TRPM1: variants seen among roughly 807,000 people sequenced by gnomAD.
TRPM1 encodes the protein TRPM1-203 APA Isoform, Intron 10.
TRPM1 carries 113 observed loss-of-function variants against 149.4 expected under a neutral mutation model. The ratio of observed to expected loss-of-function variants is 0.76; its 90% CI spans 0.65 to 0.88. The LOEUF is 0.88. Ranked by LOEUF, TRPM1 falls within the 40% of genes least tolerant of loss-of-function variation. The pLI is 0.00. For synonymous variants in TRPM1, 741 were observed against 759.5 expected, an observed-to-expected ratio of 0.98 and a Z score of 0.40; for missense variants, 1,976 against 2,038.7, an observed-to-expected ratio of 0.97 and a Z score of 0.59.
chr15:31,103,474 G>A (rs1344386035), upstream of TRPM1, among the ~76,000 whole-genome samples: 1 of 152,190 alleles, frequency 6.6e-6, no homozygotes, highest in Admixed American at 6.5e-5. Context: ...TGAATAGAAT[G>A]TTATTAATTT....
chr15:31,095,705 TA>T (rs2035361028), intron 1 of TRPM1, among the ~76,000 whole-genome samples: 1 of 150,738 alleles, frequency 6.6e-6, no homozygotes, highest in Admixed American at 6.6e-5. Context: ...AATAAATAAA[TA>T]TAAAAAATAT....
At chr15:31,010,024 A>G (rs974195616) in intron 27 of TRPM1, among the ~76,000 whole-genome samples, 1 of 152,210 alleles carries the variant, frequency 6.6e-6, no homozygotes, top group Non-Finnish European at 1.5e-5. Context: ...TTATCTTGAC[A>G]TTGACATTTA....
chr15:31,075,625 GCTCCT>G (rs1444089898), intron 3 of TRPM1, among the ~76,000 whole-genome samples: 1 of 152,122 alleles, frequency 6.6e-6, no homozygotes, highest in Admixed American at 6.5e-5. Context: ...CTGAAATCCT[GCTCCT>G]CCCAGGAAGA....
chr15:31,017,575 T>C (rs1031379717), intron 27 of TRPM1, among the ~76,000 whole-genome samples: 5 of 152,194 alleles, frequency 3.3e-5, no homozygotes, highest in Admixed American at 3.3e-4. Context: ...TGACAGCAAC[T>C]AAATTAAATG....
chr15:31,128,958 A>G (rs2035985076), intron 1 of TRPM1, among the ~76,000 whole-genome samples: 1 of 152,210 alleles, frequency 6.6e-6, no homozygotes, highest in African/African-American at 2.4e-5. Flanking sequence ...GCACTGGTTG[A>G]GAGTGCATCA....
rs113734232 is a variant in TRPM1 at position 31,018,648 on chromosome 15, G to A, written c.3629+7491C>T. 2.4e-3 allele frequency among the ~76,000 whole-genome samples: 358 copies of A among 151,532 alleles called. 1 individual carries two copies. The highest frequency in any genetic ancestry group is 8.2e-3 in the African/African-American group (340 of 41,222). On this transcript the variant is annotated intron_variant, in intron 27 of 27. Coordinates refer to ENST00000256552, the MANE Select transcript of TRPM1 (RefSeq NM_001252024.2). Reference sequence around the variant, plus strand: ...TCAGCACCCAAAGTGCTGGATTACAGGGATGAACCACCACACCTGGCCTTT... The same window carrying A: ...TCAGCACCCAAAGTGCTGGATTACAAGGATGAACCACCACACCTGGCCTTT...
At chr15:31,021,870 A>C (rs1418495501) in intron 27 of TRPM1, among the ~76,000 whole-genome samples, 1 of 152,178 alleles carries the variant, frequency 6.6e-6, no homozygotes, top group Non-Finnish European at 1.5e-5. Context: ...TAAAATGTAT[A>C]ATTTATGAGT....
At chr15:31,049,351 C>T (rs1213809206) in intron 13 of TRPM1, 24 bp downstream of exon 13, 1 of 1,614,026 alleles carries the variant, frequency 6.2e-7, no homozygotes, top group African/African-American at 1.3e-5. Context: ...CTCCCGCTTC[C>T]TTCCCTTTTT....
chr15:31,060,366 C>T (rs2034193625), intron 11 of TRPM1, 178 bp downstream of exon 11: 2 of 656,584 alleles, frequency 3.0e-6, no homozygotes, highest in Non-Finnish European at 5.5e-6. Flanking sequence ...GGAATTACTT[C>T]TTGTTGGTTC....
chr15:31,070,135 T>G lies in TRPM1; in HGVS notation c.175A>C (p.Thr59Pro). ...GCAACAGACCATTTCTCAGGCTGAG[T>G]CTCCACCTGTTTGCTTTCCTCTTCA... The part of the protein sequence containing the change: ...KNEEESKQVE[T>P]QPEKWSVAKH... The change falls in exon 4 of 28, where the codon ACT becomes CCT. Residue 59 changes from threonine (T) to proline (P), a missense_variant. Thr to Pro is a conservative substitution (Grantham distance 38). Transcript: ENST00000256552. 6.2e-7 allele frequency: 1 copy of G among 1,613,988 alleles called. No individual in the cohort carries two copies.
At chr15:31,089,437 C>T (rs1174367908) in intron 1 of TRPM1, among the ~76,000 whole-genome samples, 2 of 152,234 alleles carry the variant, frequency 1.3e-5, no homozygotes, top group East Asian at 1.9e-4. Context: ...ATGCCTATGA[C>T]AGGTCATTGG....
chr15:31,025,626 A>G (rs566761621), intron 27 of TRPM1, among the ~76,000 whole-genome samples: 1 of 152,198 alleles, frequency 6.6e-6, no homozygotes, highest in South Asian at 2.1e-4. Flanking sequence ...ATGGGGCCAG[A>G]CACCTCACCC....
intron 22 of TRPM1, 128 bp from the exon 23 acceptor site, chr15:31,031,285 C>T (rs2033066727): frequency 4.9e-6 from 5 of 1,012,884 alleles, no homozygotes; most frequent in Non-Finnish European, 7.6e-6. Flanking sequence ...AGCCTCTTTC[C>T]CTTCCTTTCT....
chr15:31,047,282 GA>G (rs753489541), intron 14 of TRPM1, 31 bp from the exon 15 acceptor site: 3 of 1,614,106 alleles, frequency 1.9e-6, no homozygotes, highest in Admixed American at 3.3e-5. Context: ...CAGGCCCTGT[GA>G]GAATGCGTTC....
At chr15:31,073,860 G>T (rs775224418) in intron 3 of TRPM1, among the ~76,000 whole-genome samples, 2 of 151,938 alleles carry the variant, frequency 1.3e-5, no homozygotes, top group Non-Finnish European at 2.9e-5. Flanking sequence ...TTCTTTATCG[G>T]GTTGAGGAAG....
chr15:31,023,180 T>A (rs1276081814), intron 27 of TRPM1, among the ~76,000 whole-genome samples: 2 of 151,988 alleles, frequency 1.3e-5, no homozygotes, highest in South Asian at 4.1e-4. Context: ...GGTGGTGAAG[T>A]TTTCCATAAG....
At chr15:31,108,835 T>C (rs1031105639) in intron 1 of TRPM1, among the ~76,000 whole-genome samples, 7 of 152,190 alleles carry the variant, frequency 4.6e-5, no homozygotes, top group African/African-American at 1.2e-4. Context: ...ATACCAAATA[T>C]GGTGAAATTT....
At chr15:31,047,564 T>C (rs898232739) in intron 14 of TRPM1, among the ~76,000 whole-genome samples, 14 of 152,224 alleles carry the variant, frequency 9.2e-5, no homozygotes, top group African/African-American at 2.9e-4. Flanking sequence ...AACGAGAGGC[T>C]GCATGGACAG....
At chr15:31,010,628 C>G (rs891686504) in intron 27 of TRPM1, among the ~76,000 whole-genome samples, 1 of 151,948 alleles carries the variant, frequency 6.6e-6, no homozygotes, top group Non-Finnish European at 1.5e-5. Context: ...TTGTTGTGGC[C>G]TGAGAATACA....
Sources: allele counts gnomAD v4.1 joint callset (sites outside exome capture counted in the v4.1 genomes callset), GRCh38; gene constraint gnomAD v4.1.1; transcripts MANE v1.5; gene names NCBI Gene and HGNC (gene_info 2026-07-23, HGNC 2026-07-21).